Variants in PKHD1L1 observed in about 807,000 individuals in gnomAD.
The protein encoded by PKHD1L1 is fibrocystin-L.
In PKHD1L1, 434 loss-of-function variants were observed where a neutral mutation model predicts 462.9. The ratio of observed to expected loss-of-function variants is 0.94; its 90% CI spans 0.87 to 1.02. The LOEUF (loss-of-function observed/expected upper bound fraction) is 1.02. PKHD1L1 is among the 50% of genes least tolerant of loss of function. The pLI is 0.00. For synonymous variants in PKHD1L1, 1,781 were observed against 1,750.0 expected (o/e 1.02, Z -0.44); for missense variants, 5,202 against 5,096.1 (o/e 1.02, Z -0.63).
chr8:109,431,573 T>C (rs574588892), intron 27 of PKHD1L1, among the ~76,000 whole-genome samples: 1 of 152,316 alleles, frequency 6.6e-6, no homozygotes, highest in South Asian at 2.1e-4. Flanking sequence ...TTTGTAAGCT[T>C]ACAAATGAAA....
chr8:109,392,964 A>G (rs1234813642), intron 9 of PKHD1L1, among the ~76,000 whole-genome samples: 1 of 152,304 alleles, frequency 6.6e-6, no homozygotes, highest in South Asian at 2.1e-4. Context: ...TCAATGAATT[A>G]GTGAAAATAA....
chr8:109,454,598 T>C (rs1017718581), intron 44 of PKHD1L1, 125 bp from the exon 45 acceptor site: 2 of 1,349,826 alleles, frequency 1.5e-6, no homozygotes, highest in African/African-American at 1.5e-5. Context: ...AAAAGAAAGA[T>C]ATGAACAACT....
rs1817291109 is a variant in PKHD1L1, at chr8:109,464,221, C to T, written c.7389C>T (p.Phe2463=). Residue 2463 remains phenylalanine, a synonymous_variant, in exon 49 of 78, where the codon TTC becomes TTT. Transcript: ENST00000378402. ...GTGATTTCTGGGCTTAACAGGTATT[C>T]CATGCTGGCCAGGCTTTCCGGTTGG... ...VTGRIEYVEV[F]HAGQAFRLGR... The T allele has an allele frequency of 3.8e-6, 6 of 1,586,810 alleles. No homozygotes were observed. The highest frequency in any genetic ancestry group is 1.3e-5 in the African/African-American group (1 of 74,214).
Position 109,384,094 on chromosome 8 carries a change from A to G in PKHD1L1, c.442A>G (p.Ile148Val). 6.2e-7 allele frequency: 1 copy of G among 1,611,252 alleles called. No homozygotes were observed. The highest frequency in any genetic ancestry group is 8.5e-7 in the Non-Finnish European group (1 of 1,177,750). The change falls in exon 5 of 78, where the codon ATA (isoleucine) becomes GTA (valine). Residue 148 changes from isoleucine (I) to valine (V), a missense_variant. By Grantham distance (29) the Ile-to-Val change is conservative (BLOSUM62 3). Coordinates refer to ENST00000378402, the MANE Select transcript of PKHD1L1 (RefSeq NM_177531.6). ...GGCAAAAAGTTTTAGAACCCCAACA[A>G]TAAGAAGCATCACACCTTTATCTGG... Reference protein sequence around the residue: ...FNAKSFRTPTIRSITPLSGTP... With the variant: ...FNAKSFRTPTVRSITPLSGTP...
chr8:109,405,497 A>G (rs961370121), intron 16 of PKHD1L1, among the ~76,000 whole-genome samples: 12 of 152,182 alleles, frequency 7.9e-5, no homozygotes, highest in African/African-American at 2.9e-4. Context: ...ACCATAGAAT[A>G]CTATGCAGCC....
At chr8:109,426,056 A>G (rs1486221096) in intron 24 of PKHD1L1, among the ~76,000 whole-genome samples, 2 of 152,130 alleles carry the variant, frequency 1.3e-5, no homozygotes, top group African/African-American at 2.4e-5. Context: ...TTCTCTTATA[A>G]TTTACATAAT....
At chr8:109,472,894 G>T (rs1030815254) in intron 50 of PKHD1L1, among the ~76,000 whole-genome samples, 1 of 151,864 alleles carries the variant, frequency 6.6e-6, no homozygotes, top group African/African-American at 2.4e-5. Flanking sequence ...GGAAGTAAGG[G>T]TTTGCTATAA....
chr8:109,424,930 G>C (rs1814659005), intron 23 of PKHD1L1, among the ~76,000 whole-genome samples, 155 bp from the exon 24 acceptor site: 1 of 152,156 alleles, frequency 6.6e-6, no homozygotes, highest in Admixed American at 6.5e-5. Flanking sequence ...GGTATGGCCT[G>C]TGTTGATTTA....
chr8:109,488,617 C>A (rs117178335), intron 59 of PKHD1L1, among the ~76,000 whole-genome samples: 2,099 of 152,060 alleles, frequency 0.014, 25 homozygotes, highest in South Asian at 0.024. Flanking sequence ...CTCATTTGTT[C>A]AAACACTGCC....
At chr8:109,493,196 G>A (rs2844256) in intron 62 of PKHD1L1, among the ~76,000 whole-genome samples, 34,765 of 147,884 alleles carry the variant, frequency 0.24, 4,714 homozygotes, top group African/African-American at 0.34. Context: ...TATGTTATAT[G>A]TATTCTATAT....
At chr8:109,477,509 T>G in intron 53 of PKHD1L1, 113 bp downstream of exon 53, 1 of 978,040 alleles carries the variant, frequency 1.0e-6, no homozygotes, top group South Asian at 2.6e-5. Context: ...GTCTTGTAGG[T>G]TACAAAGTAC....
Position 109,444,645 on chromosome 8 carries a change from T to C in PKHD1L1, c.4792-16T>C. On this transcript the variant is annotated splice_polypyrimidine_tract_variant and intron_variant, in intron 37 of 77. Transcript: ENST00000378402. ...ATGTATTGACTTGTTTTATTTTGTA[T>C]TCATTTTACTTACAGGTTACAATTG... The C allele has an allele frequency of 6.3e-7, 1 of 1,594,816 alleles. No individual in the cohort carries two copies. The highest frequency in any genetic ancestry group is 8.6e-7 in the Non-Finnish European group (1 of 1,168,306).
At chr8:109,481,855 TTGTA>T (rs1818291142) in intron 56 of PKHD1L1, among the ~76,000 whole-genome samples, 3 of 151,920 alleles carry the variant, frequency 2.0e-5, no homozygotes, top group African/African-American at 7.2e-5. Flanking sequence ...ACAAATCTCT[TTGTA>T]TGTATATTAT....
At chr8:109,490,539 C>A (rs1010506679) in intron 60 of PKHD1L1, among the ~76,000 whole-genome samples, 4 of 151,346 alleles carry the variant, frequency 2.6e-5, no homozygotes, top group Non-Finnish European at 5.9e-5. Context: ...AAATTGAAAC[C>A]CCTAACCTGT....
At chr8:109,455,033 C>A (rs1816742516) in intron 45 of PKHD1L1, among the ~76,000 whole-genome samples, 181 bp downstream of exon 45, 1 of 152,158 alleles carries the variant, frequency 6.6e-6, no homozygotes, top group South Asian at 2.1e-4. Flanking sequence ...CCAGGCTAGC[C>A]CAGACATCAA....
Position 109,444,915 on chromosome 8 carries a change from T to C in PKHD1L1, c.5046T>C (p.Ser1682=). ...TGACAAGCGTGACCATAAAAGGCTC[T>C]GGATTTGCCGTTTCTTCTGCAGGTG... ...TGMTSVTIKG[S]GFAVSSAGVK... Residue 1682 remains serine, a synonymous_variant, in exon 38 of 78, where the codon TCT becomes TCC. Coordinates refer to ENST00000378402, the MANE Select transcript of PKHD1L1 (RefSeq NM_177531.6). 3 of 1,614,036 alleles carry C rather than the reference T, an allele frequency of 1.9e-6. No individual in the cohort carries two copies. Among genetic ancestry groups the C allele is most frequent in the Non-Finnish European group, 1.7e-6 (2 of 1,179,886 alleles).
chr8:109,426,121 T>C (rs998819913), intron 24 of PKHD1L1, among the ~76,000 whole-genome samples: 1 of 152,146 alleles, frequency 6.6e-6, no homozygotes, highest in Non-Finnish European at 1.5e-5. Context: ...GACATTTTTA[T>C]GTTTTTGTCA....
chr8:109,408,870 G>C (rs1208160493), intron 18 of PKHD1L1, among the ~76,000 whole-genome samples: 1 of 152,170 alleles, frequency 6.6e-6, no homozygotes, highest in African/African-American at 2.4e-5. Context: ...TGGCGTGATA[G>C]GTTGGAGCCT....
intron 2 of PKHD1L1, among the ~76,000 whole-genome samples, chr8:109,365,671 T>A (rs1242779605): frequency 1.3e-5 from 2 of 152,110 alleles, no homozygotes; most frequent in Non-Finnish European, 2.9e-5. Flanking sequence ...GCGAGAGAAA[T>A]GCTCAGATTA....
Sources: gnomAD v4.1 joint callset for allele counts (sites outside exome capture counted in the v4.1 genomes callset) on GRCh38, gnomAD v4.1.1 for gene constraint, MANE v1.5 for transcripts, NCBI Gene and HGNC (gene_info 2026-07-23, HGNC 2026-07-21) for gene names.